IFNGR2: variants seen among roughly 807,000 people sequenced by gnomAD.
The protein encoded by IFNGR2 is IFN-gamma receptor 2.
IFNGR2 carries 15 observed loss-of-function variants against 41.1 expected under a neutral mutation model. The ratio of observed to expected loss-of-function variants is 0.37; its 90% CI spans 0.24 to 0.56. The LOEUF (loss-of-function observed/expected upper bound fraction) is 0.56. Ranked by LOEUF, IFNGR2 falls within the 20% of genes least tolerant of loss-of-function variation. The pLI is 0.81. For missense variants in IFNGR2, 362 were observed against 415.7 expected, an observed-to-expected ratio of 0.87 and a Z score of 1.12; for synonymous variants, 161 against 171.6, an observed-to-expected ratio of 0.94 and a Z score of 0.48.
In IFNGR2 at chr21:33,432,123, T is replaced by C. The variant is rs2083894123; in HGVS notation, c.562-54T>C. 2.0e-6 allele frequency: 3 copies of C among 1,506,072 alleles called. No homozygotes were observed. In the African/African-American group the frequency reaches 4.1e-5, roughly 21 times the overall value. The allele number at this position is 1,506,072 out of a possible 1,614,324, so 93.3% of individuals were successfully genotyped here. ...ATTTGAGGAAACATCAGAAAAGATG[T>C]AGGCAGCTTGGCCATGTTCATTTAC... On this transcript the variant is annotated intron_variant, in intron 4 of 6. Transcript: ENST00000290219.
chr21:33,432,544 G>C, intron 5 of IFNGR2, 170 bp from the exon 6 acceptor site: 1 of 876,642 alleles, frequency 1.1e-6, no homozygotes, highest in Non-Finnish European at 1.9e-6. Flanking sequence ...TTCATTACAG[G>C]ATTGACTTTA....
At chr21:33,423,828 A>ATTT (rs35451913) in intron 3 of IFNGR2, among the ~76,000 whole-genome samples, 3 of 142,992 alleles carry the variant, frequency 2.1e-5, no homozygotes, top group Admixed American at 7.0e-5. Context: ...CCCCATCTCT[A>ATTT]TTTTTTTTTT....
At chr21:33,430,956 C>A (rs1006416283) in intron 4 of IFNGR2, among the ~76,000 whole-genome samples, 6 of 152,090 alleles carry the variant, frequency 3.9e-5, no homozygotes, top group African/African-American at 1.2e-4. Flanking sequence ...AATAGGGTAT[C>A]GCTGTTTTCC....
intron 1 of IFNGR2, 31 bp downstream of exon 1, chr21:33,403,647 C>G: frequency 7.8e-7 from 1 of 1,275,566 alleles, no homozygotes; most frequent in South Asian, 2.2e-5. Flanking sequence ...CGCGGCGGGA[C>G]GCGGGCGCAG....
At chr21:33,433,677 A>C (rs537350339) in intron 6 of IFNGR2, among the ~76,000 whole-genome samples, 2 of 152,234 alleles carry the variant, frequency 1.3e-5, no homozygotes, top group African/African-American at 4.8e-5. Flanking sequence ...AGTTCTGGAG[A>C]TGGATGGTGG....
At position 33,432,698 on chromosome 21, in the gene IFNGR2, C is replaced by T. The variant is rs776462360; in HGVS notation, c.722-16C>T. 3.1e-6 allele frequency: 5 copies of T among 1,613,570 alleles called. No homozygotes were observed. Among genetic ancestry groups the T allele is most frequent in the Non-Finnish European group, 4.2e-6 (5 of 1,179,520 alleles). On this transcript the variant is annotated splice_polypyrimidine_tract_variant and intron_variant, in intron 5 of 6. Transcript: ENST00000290219. ...GTAGGAAGATCATTCTGTTCACTTT[C>T]GTGTCCTCTTTTTAGCCTCCACTGA...
intron 3 of IFNGR2, among the ~76,000 whole-genome samples, chr21:33,425,578 G>C (rs1255756051): frequency 6.6e-6 from 1 of 152,222 alleles, no homozygotes; most frequent in African/African-American, 2.4e-5. Context: ...TCACTTAGCT[G>C]GGACAAGGGA....
chr21:33,403,930 C>G (rs1179656970), intron 1 of IFNGR2, among the ~76,000 whole-genome samples: 1 of 152,040 alleles, frequency 6.6e-6, no homozygotes, highest in Non-Finnish European at 1.5e-5. Context: ...GGGCACCCCT[C>G]CTGGCGTCCT....
chr21:33,423,035 A>ATT lies in IFNGR2; in HGVS notation c.412+1350_412+1351insTT, dbSNP rs1402537450. ...AGTGTTTGTTAATGATCTTCCCTCT[A>ATT]CTTTTTTTTTTTTTTTTTTTTTGAG... On this transcript the variant is annotated intron_variant, in intron 3 of 6. Coordinates refer to ENST00000290219, the MANE Select transcript of IFNGR2 (RefSeq NM_005534.4). 1.4e-3 allele frequency among the ~76,000 whole-genome samples: 170 copies of ATT among 118,120 alleles called. 5 individuals are homozygous for ATT. The highest frequency in any genetic ancestry group is 2.3e-3 in the Non-Finnish European group (123 of 53,390). 77.5% of individuals were successfully genotyped at this position (118,120 alleles called of 152,430 possible).
chr21:33,423,034 TA>T (rs2083806489), intron 3 of IFNGR2, among the ~76,000 whole-genome samples: 2 of 140,806 alleles, frequency 1.4e-5, no homozygotes, highest in Admixed American at 7.1e-5. Context: ...ATCTTCCCTC[TA>T]CTTTTTTTTT....
At chr21:33,432,156 C>T in intron 4 of IFNGR2, 21 bp from the exon 5 acceptor site, 13 of 1,611,058 alleles carry the variant, frequency 8.1e-6, no homozygotes, top group Non-Finnish European at 1.1e-5. Flanking sequence ...TACATGTGTG[C>T]TTGTGATGTT....
At chr21:33,431,138 G>C (rs901981698) in intron 4 of IFNGR2, among the ~76,000 whole-genome samples, 1 of 152,156 alleles carries the variant, frequency 6.6e-6, no homozygotes, top group East Asian at 1.9e-4. Flanking sequence ...AAATCCTTAA[G>C]GTCATTTTAG....
In IFNGR2 at chr21:33,432,242, T is replaced by C. The variant is rs1389993821; in HGVS notation, c.627T>C (p.Cys209=). ...LDNLKPSRVY[C]LQVQAQLLWN... ...ACTTAAAACCCTCCAGAGTGTACTG[T>C]TTACAAGTCCAGGCACAACTGCTTT... The change falls in exon 5 of 7, where the codon TGT becomes TGC. Residue 209 remains cysteine, a synonymous_variant. Transcript: ENST00000290219. The C allele has an allele frequency of 6.2e-7, 1 of 1,613,880 alleles. No homozygotes were observed. Among genetic ancestry groups the C allele is most frequent in the East Asian group, 2.2e-5 (1 of 44,898 alleles).
chr21:33,404,683 C>A (rs990739770), intron 1 of IFNGR2, among the ~76,000 whole-genome samples: 5 of 152,092 alleles, frequency 3.3e-5, no homozygotes. Flanking sequence ...CCCGCCTTGG[C>A]CTCTGAAAGC....
At chr21:33,425,163 G>T (rs1201608107) in intron 3 of IFNGR2, among the ~76,000 whole-genome samples, 3 of 152,032 alleles carry the variant, frequency 2.0e-5, no homozygotes, top group African/African-American at 7.2e-5. Context: ...CAAGTGATCT[G>T]CCCACCTCAG....
In IFNGR2 at chr21:33,436,939, G is replaced by A. The variant is rs2083960442; in HGVS notation, c.991G>A (p.Glu331Lys). 6.2e-7 allele frequency: 1 copy of A among 1,613,956 alleles called. No homozygotes were observed. Among genetic ancestry groups the A allele is most frequent in the Non-Finnish European group, 8.5e-7 (1 of 1,179,936 alleles). The change falls in exon 7 of 7, where the codon GAA becomes AAA. Residue 331 changes from glutamate (E) to lysine (K), a missense_variant. Coordinates refer to ENST00000290219, the MANE Select transcript of IFNGR2 (RefSeq NM_005534.4). ...TATCTCGTTTCCGGAAAAGGAGCAA[G>A]AAGATGTTCTCCAAACGCTTTGAAC... ...SIISFPEKEQEDVLQTL is the reference protein window; with the variant it reads ...SIISFPEKEQKDVLQTL
intron 1 of IFNGR2, among the ~76,000 whole-genome samples, chr21:33,407,846 A>ACC (rs55734282): frequency 0.03 from 2,602 of 86,696 alleles, 36 homozygotes; most frequent in African/African-American, 0.044. Flanking sequence ...TCCCCACCGC[A>ACC]CCCCCCCCCG....
At chr21:33,435,868 G>A (rs1274603762) in intron 6 of IFNGR2, among the ~76,000 whole-genome samples, 18 of 97,274 alleles carry the variant, frequency 1.9e-4, no homozygotes, top group African/African-American at 7.6e-4. Context: ...TGGCAACAGA[G>A]CAAGACTCCG....
intron 4 of IFNGR2, among the ~76,000 whole-genome samples, chr21:33,427,841 C>CTTTTTTTTTTTTTT (rs2083851840): frequency 8.6e-6 from 1 of 116,920 alleles, no homozygotes; most frequent in African/African-American, 3.4e-5. Flanking sequence ...CATCTCATTT[C>CTTTTTTTTTTTTTT]ATCTTTTTTT....
Sources: gnomAD v4.1 joint callset for allele counts (sites outside exome capture counted in the v4.1 genomes callset) on GRCh38, gnomAD v4.1.1 for gene constraint, MANE v1.5 for transcripts, NCBI Gene and HGNC (gene_info 2026-07-23, HGNC 2026-07-21) for gene names.